The following WDR83 variants were observed in gnomAD, a reference collection of about 807,000 sequenced individuals.
The protein encoded by WDR83 is WD repeat domain 83.
WDR83 carries 37 observed loss-of-function variants against 37.7 expected under a neutral mutation model. That is an observed-to-expected ratio of 0.98 (90% CI 0.76 to 1.29). The LOEUF (loss-of-function observed/expected upper bound fraction) is 1.29. WDR83 is among the 50% of genes most tolerant of loss of function. WDR83 has a pLI of 0.00. For synonymous variants in WDR83, 174 were observed against 181.1 expected, an observed-to-expected ratio of 0.96 and a Z score of 0.31; for missense variants, 445 against 414.4, an observed-to-expected ratio of 1.07 and a Z score of -0.64.
rs1039941941 is a variant in WDR83, at chr19:12,675,723, G to A, written c.*51G>A. On this transcript the variant is annotated 3_prime_UTR_variant, in exon 11 of 11. Coordinates refer to ENST00000418543, the MANE Select transcript of WDR83 (RefSeq NM_001099737.3). Reference sequence around the variant, plus strand: ...AAGGACCGAGACACAGACATGGAAGGACTTCAGATACCATCTTATTCTAGA... The same window carrying A: ...AAGGACCGAGACACAGACATGGAAGAACTTCAGATACCATCTTATTCTAGA... 6.3e-7 allele frequency: 1 copy of A among 1,590,464 alleles called. No homozygotes were observed. The highest frequency in any genetic ancestry group is 1.3e-5 in the African/African-American group (1 of 74,508).
At position 12,670,835 on chromosome 19, in the gene WDR83, G is replaced by T; in HGVS notation, c.506+14G>T. 2 of 1,609,612 alleles carry T rather than the reference G, an allele frequency of 1.2e-6. No homozygotes were observed. Among genetic ancestry groups the T allele is most frequent in the South Asian group, 1.1e-5 (1 of 90,492 alleles). ...GATCCTGGCAGGGTGAGTGGAGCCAGGACCTGGTCTCACCCCAGGTGCTAC... is the reference window on the plus strand; with the variant it reads ...GATCCTGGCAGGGTGAGTGGAGCCATGACCTGGTCTCACCCCAGGTGCTAC... On this transcript the variant is annotated intron_variant, in intron 7 of 10. Transcript: ENST00000418543.
chr19:12,673,158 C>G, intron 9 of WDR83, 42 bp downstream of exon 9: 1 of 1,609,998 alleles, frequency 6.2e-7, no homozygotes, highest in Non-Finnish European at 8.5e-7. Flanking sequence ...CCTCCTCTCC[C>G]ACCCCTGGAG....
intron 7 of WDR83, 120 bp from the exon 8 acceptor site, chr19:12,672,727 G>A: frequency 9.5e-7 from 1 of 1,055,704 alleles, no homozygotes; most frequent in East Asian, 2.6e-5. Context: ...CAAGGCCAGA[G>A]CTTCAGAATT....
intron 10 of WDR83, 91 bp downstream of exon 10, chr19:12,673,407 G>A: frequency 2.4e-6 from 1 of 415,214 alleles, no homozygotes; most frequent in Non-Finnish European, 4.4e-6. Context: ...TGAAGGCTAG[G>A]ATCTTTTTTT....
At chr19:12,668,217 G>C in intron 1 of WDR83, 2 of 826,956 alleles carry the variant, frequency 2.4e-6, no homozygotes, top group Non-Finnish European at 3.8e-6. Flanking sequence ...GAAAGGGCCA[G>C]GTTCCCTCTA....
At chr19:12,673,374 C>G (rs888304991) in intron 10 of WDR83, 58 bp downstream of exon 10, 135 of 1,184,262 alleles carry the variant, frequency 1.1e-4, no homozygotes, top group Non-Finnish European at 1.6e-4. Flanking sequence ...CAGCCCTGTC[C>G]TTACCTCAGT....
At chr19:12,673,369 C>T in intron 10 of WDR83, 53 bp downstream of exon 10, 1 of 1,331,662 alleles carries the variant, frequency 7.5e-7, no homozygotes, top group East Asian at 2.3e-5. Context: ...CATCTCAGCC[C>T]TGTCCTTACC....
chr19:12,668,078 T>G, intron 1 of WDR83: 4 of 352,168 alleles, frequency 1.1e-5, no homozygotes, highest in South Asian at 6.3e-5. Flanking sequence ...ACAGCCAGAG[T>G]GAAAAACTTT....
Position 12,670,618 on chromosome 19 carries a change from C to G in WDR83, c.379+7C>G. On this transcript the variant is annotated splice_region_variant and intron_variant, in intron 6 of 10. Coordinates refer to ENST00000418543, the MANE Select transcript of WDR83 (RefSeq NM_001099737.3). ...GCCACAGTTATCCTGTCCGGTGAGT[C>G]TGGGGCCTAAGCACGGGGGCCCAGG... 1 of 1,614,222 alleles carries G rather than the reference C, an allele frequency of 6.2e-7. No individual in the cohort carries two copies. Among genetic ancestry groups the G allele is most frequent in the Non-Finnish European group, 8.5e-7 (1 of 1,180,046 alleles).
chr19:12,670,868 C>G (rs377393736), intron 7 of WDR83, 47 bp downstream of exon 7: 135 of 1,586,392 alleles, frequency 8.5e-5, no homozygotes, highest in Non-Finnish European at 1.1e-4. Flanking sequence ...TACGGGGAAT[C>G]ATAGCTGCCC....
At chr19:12,669,934 C>A in intron 3 of WDR83, 41 bp downstream of exon 3, 2 of 1,602,698 alleles carry the variant, frequency 1.2e-6, no homozygotes, top group East Asian at 2.2e-5. Context: ...CCTCCCGCCT[C>A]CTGAGATCGA....
chr19:12,675,753 T>G lies in WDR83; in HGVS notation c.*81T>G, dbSNP rs761639957. On this transcript the variant is annotated 3_prime_UTR_variant, in exon 11 of 11. Coordinates refer to ENST00000418543, the MANE Select transcript of WDR83 (RefSeq NM_001099737.3). ...CAGATACCATCTTATTCTAGAGACG[T>G]AGCTGACCAAAAAGTAGGGGAGGGG... The G allele has an allele frequency of 3.8e-6, 6 of 1,568,320 alleles. No individual in the cohort carries two copies. The highest frequency in any genetic ancestry group is 1.4e-5 in the African/African-American group (1 of 73,610).
chr19:12,675,076 T>C (rs147332364), intron 10 of WDR83, among the ~76,000 whole-genome samples: 32 of 149,038 alleles, frequency 2.1e-4, no homozygotes, highest in African/African-American at 7.9e-4. Context: ...ATGGCGCCAC[T>C]GCACTCCAGC....
At position 12,669,053 on chromosome 19, in the gene WDR83, C is replaced by G. The variant is rs1698293583; in HGVS notation, c.-37+426C>G. 7.4e-6 allele frequency: 11 copies of G among 1,491,278 alleles called. No homozygotes were observed. The Admixed American group carries it at 1.2e-4, about 16-fold the overall frequency. The allele number at this position is 1,491,278 out of a possible 1,614,324, so 92.4% of individuals were successfully genotyped here. A position where few individuals can be genotyped will look rare whatever the true frequency, so the allele number is the denominator to read the frequency against. ...GCCCCATCAGCAATGACAAGACACC[C>G]CGCTTCATTCCAAACCCGCCCCCGG... On this transcript the variant is annotated intron_variant, in intron 2 of 10. Coordinates refer to ENST00000418543, the MANE Select transcript of WDR83 (RefSeq NM_001099737.3).
chr19:12,670,404 C>G (rs1041477772), intron 5 of WDR83, 119 bp downstream of exon 5: 1 of 1,497,182 alleles, frequency 6.7e-7, no homozygotes, highest in African/African-American at 1.4e-5. Context: ...CGATCCCCCA[C>G]TCCGCATGCC....
At chr19:12,674,447 CG>C (rs200476950) in intron 10 of WDR83, among the ~76,000 whole-genome samples, 6 of 151,990 alleles carry the variant, frequency 3.9e-5, no homozygotes, top group African/African-American at 9.7e-5. Flanking sequence ...TGGAGGGAAC[CG>C]GGGGGGCCCT....
chr19:12,672,721 G>A, intron 7 of WDR83, 126 bp from the exon 8 acceptor site: 4 of 999,674 alleles, frequency 4.0e-6, no homozygotes, highest in Non-Finnish European at 6.1e-6. Context: ...GAGTCTCAAG[G>A]CCAGAGCTTC....
rs749898511 is a variant in WDR83 at position 12,668,270 on chromosome 19, G to T, written c.-156-238G>T. The T allele has an allele frequency of 1.6e-4, 224 of 1,381,892 alleles. 1 individual carries two copies. Among genetic ancestry groups the T allele is most frequent in the Non-Finnish European group, 2.1e-4 (211 of 998,306 alleles). The allele number at this position is 1,381,892 out of a possible 1,614,324, so 85.6% of individuals were successfully genotyped here. On this transcript the variant is annotated intron_variant, in intron 1 of 10. Coordinates refer to ENST00000418543, the MANE Select transcript of WDR83 (RefSeq NM_001099737.3). ...AGACGGCCTCATTCAGGGAAGTCCAGGATGGCAGCTGAAGGCAGCAGGTTT... is the reference window on the plus strand; with the variant it reads ...AGACGGCCTCATTCAGGGAAGTCCATGATGGCAGCTGAAGGCAGCAGGTTT...
chr19:12,669,327 C>G, intron 2 of WDR83: 3 of 1,605,684 alleles, frequency 1.9e-6, no homozygotes, highest in Non-Finnish European at 2.6e-6. Flanking sequence ...CAACCCGAAC[C>G]CGTGCCCACG....
Sources: gnomAD v4.1 joint callset for allele counts (sites outside exome capture counted in the v4.1 genomes callset) on GRCh38, gnomAD v4.1.1 for gene constraint, MANE v1.5 for transcripts, NCBI Gene and HGNC (gene_info 2026-07-23, HGNC 2026-07-21) for gene names.